Variants in KLHL1 observed in about 807,000 individuals in gnomAD.
The protein encoded by KLHL1 is kelch-like protein 1.
KLHL1 carries 47 observed loss-of-function variants against 77.7 expected under a neutral mutation model. That is an observed-to-expected ratio of 0.60 (90% CI 0.48 to 0.77). KLHL1 has a LOEUF of 0.77. Ranked by LOEUF, KLHL1 falls within the 30% of genes least tolerant of loss-of-function variation. The probability of loss-of-function intolerance (pLI) is 0.00; values close to 1 mark genes in which losing one functional copy is unlikely to be tolerated. For synonymous variants in KLHL1, 360 were observed against 325.2 expected (o/e 1.11, Z -1.15); for missense variants, 925 against 910.8 (o/e 1.02, Z -0.20).
chr13:69,901,795 C>CTTTTTTTTTTTTT (rs1205221353), intron 4 of KLHL1, among the ~76,000 whole-genome samples: 3 of 40,840 alleles, frequency 7.3e-5, no homozygotes, highest in Admixed American at 4.2e-4. Context: ...TTCTTTTTTT[C>CTTTTTTTTTTTTT]TTTTTTTTTT....
intron 7 of KLHL1, among the ~76,000 whole-genome samples, chr13:69,744,610 T>C (rs1463027010): frequency 6.6e-6 from 1 of 151,666 alleles, no homozygotes; most frequent in Non-Finnish European, 1.5e-5. Flanking sequence ...CCTGTATACC[T>C]ATATCACTTC....
At chr13:69,818,402 G>T (rs1878208686) in intron 6 of KLHL1, among the ~76,000 whole-genome samples, 1 of 151,626 alleles carries the variant, frequency 6.6e-6, no homozygotes, top group Non-Finnish European at 1.5e-5. Flanking sequence ...TCTGTTTTTA[G>T]TAGAGATGGG....
intron 4 of KLHL1, among the ~76,000 whole-genome samples, chr13:69,938,117 G>C (rs1883241887): frequency 6.6e-6 from 1 of 152,066 alleles, no homozygotes; most frequent in Admixed American, 6.6e-5. Context: ...ACAAGGATCA[G>C]AGGCAAATAT....
At chr13:70,075,569 G>GTGTATATATATATATA (rs761519216) in intron 1 of KLHL1, among the ~76,000 whole-genome samples, 88 of 106,612 alleles carry the variant, frequency 8.3e-4, no homozygotes, top group African/African-American at 2.2e-3. Flanking sequence ...GTGTGTATGT[G>GTGTATATATATATATA]TATATATATA....
chr13:69,992,468 G>A (rs1449915156), intron 1 of KLHL1, among the ~76,000 whole-genome samples: 1 of 151,968 alleles, frequency 6.6e-6, no homozygotes, highest in Non-Finnish European at 1.5e-5. Flanking sequence ...TAGAAGGAAG[G>A]CTGTGTGGAG....
At chr13:69,918,523 T>C (rs1468325371) in intron 4 of KLHL1, among the ~76,000 whole-genome samples, 1 of 152,036 alleles carries the variant, frequency 6.6e-6, no homozygotes, top group Non-Finnish European at 1.5e-5. Context: ...CTTTTTTTTT[T>C]TTCTTTACCT....
intron 1 of KLHL1, among the ~76,000 whole-genome samples, chr13:70,049,682 T>C (rs1886584899): frequency 6.6e-6 from 1 of 152,160 alleles, no homozygotes; most frequent in African/African-American, 2.4e-5. Context: ...TTTAACTCCA[T>C]AATAAACTTA....
At chr13:70,024,052 T>C (rs996019353) in intron 1 of KLHL1, among the ~76,000 whole-genome samples, 4 of 151,880 alleles carry the variant, frequency 2.6e-5, no homozygotes, top group African/African-American at 9.7e-5. Flanking sequence ...AAAAAATGTA[T>C]TAGGGTGTTT....
At chr13:69,861,776 C>T (rs749052001) in intron 5 of KLHL1, among the ~76,000 whole-genome samples, 22 of 132,508 alleles carry the variant, frequency 1.7e-4, no homozygotes, top group African/African-American at 2.9e-4. Context: ...GGAGAAACCC[C>T]GTCTCTACTA....
chr13:69,833,768 CAT>C (rs775749881), intron 6 of KLHL1, among the ~76,000 whole-genome samples: 2,343 of 127,072 alleles, frequency 0.018, 55 homozygotes, highest in African/African-American at 0.063. Context: ...TATATATATA[CAT>C]ACATACATAC....
chr13:69,832,981 C>T (rs1476748166), intron 6 of KLHL1, among the ~76,000 whole-genome samples: 5 of 152,072 alleles, frequency 3.3e-5, no homozygotes, highest in South Asian at 2.1e-4. Context: ...AAATCTAAGA[C>T]GTAAAGTCAC....
chr13:69,953,571 C>T (rs1205167128), intron 3 of KLHL1, among the ~76,000 whole-genome samples: 5 of 151,000 alleles, frequency 3.3e-5, no homozygotes, highest in Admixed American at 2.7e-4. Flanking sequence ...GACTACCTAC[C>T]TATCTCAGAA....
At chr13:70,005,613 G>T (rs969715338) in intron 1 of KLHL1, among the ~76,000 whole-genome samples, 3 of 151,510 alleles carry the variant, frequency 2.0e-5, no homozygotes, top group Non-Finnish European at 4.4e-5. Flanking sequence ...AATGTATCTA[G>T]TATTAATCAT....
chr13:69,933,029 C>G (rs1201118187), intron 4 of KLHL1, among the ~76,000 whole-genome samples: 2 of 151,744 alleles, frequency 1.3e-5, no homozygotes, highest in Admixed American at 6.6e-5. Flanking sequence ...TCCTTTGTAC[C>G]CAGCCTGCCA....
intron 8 of KLHL1, among the ~76,000 whole-genome samples, chr13:69,727,233 T>C (rs960856136): frequency 3.3e-5 from 5 of 152,190 alleles, no homozygotes; most frequent in South Asian, 2.1e-4. Flanking sequence ...TTCTTGACAC[T>C]ATTGTTCTTA....
intron 9 of KLHL1, among the ~76,000 whole-genome samples, chr13:69,712,577 ATAATT>A (rs1376882124): frequency 2.8e-4 from 42 of 152,148 alleles, no homozygotes; most frequent in African/African-American, 9.9e-4. Flanking sequence ...TCTAGTTAAA[ATAATT>A]TAATAATAAG....
intron 4 of KLHL1, among the ~76,000 whole-genome samples, chr13:69,895,671 AT>A (rs964505285): frequency 6.7e-6 from 1 of 149,308 alleles, no homozygotes; most frequent in Non-Finnish European, 1.5e-5. Context: ...AGGTTCCTTA[AT>A]TTTTGGAATA....
At chr13:70,024,349 CTAGA>C (rs765506539) in intron 1 of KLHL1, among the ~76,000 whole-genome samples, 30 of 151,570 alleles carry the variant, frequency 2.0e-4, no homozygotes, top group Non-Finnish European at 3.1e-4. Context: ...ATTGTAAGAC[CTAGA>C]TAGAAAGATA....
intron 7 of KLHL1, among the ~76,000 whole-genome samples, chr13:69,792,270 A>G (rs905771293): frequency 2.0e-5 from 3 of 152,186 alleles, no homozygotes; most frequent in African/African-American, 4.8e-5. Flanking sequence ...AAATATTTCC[A>G]TAGAGCTTTC....
Sources: allele counts gnomAD v4.1 joint callset (sites outside exome capture counted in the v4.1 genomes callset), GRCh38; gene constraint gnomAD v4.1.1; transcripts MANE v1.5; gene names NCBI Gene and HGNC (gene_info 2026-07-23, HGNC 2026-07-21).